Variants in STK39 observed in about 807,000 individuals in gnomAD.
The protein encoded by STK39 is serine/threonine kinase 39.
Under a neutral mutation model 77.8 loss-of-function variants are expected in STK39, and 20 were observed. The ratio of observed to expected loss-of-function variants is 0.26; its 90% CI spans 0.18 to 0.37. STK39 has a LOEUF of 0.37. Ranked by LOEUF, STK39 falls within the 10% of genes least tolerant of loss-of-function variation. The probability of loss-of-function intolerance (pLI) is 1.00; values close to 1 mark genes in which losing one functional copy is unlikely to be tolerated. For synonymous variants in STK39, 246 were observed against 234.1 expected (o/e 1.05, Z -0.47); for missense variants, 479 against 656.5 (o/e 0.73, Z 2.95).
intron 5 of STK39, 127 bp from the exon 6 acceptor site, chr2:168,140,885 G>A (rs867015141): frequency 2.1e-5 from 15 of 716,066 alleles, no homozygotes; most frequent in African/African-American, 1.5e-4. Flanking sequence ...ACATGTCTAC[G>A]GTGCTCTCTC....
chr2:168,072,565 G>A (rs555005833), intron 12 of STK39, among the ~76,000 whole-genome samples: 5 of 152,132 alleles, frequency 3.3e-5, no homozygotes, highest in Admixed American at 6.5e-5. Context: ...CCATAAGAAC[G>A]TGAGCTCCAC....
At chr2:167,992,468 AT>A (rs1279725245) in intron 16 of STK39, among the ~76,000 whole-genome samples, 1 of 152,198 alleles carries the variant, frequency 6.6e-6, no homozygotes, top group Non-Finnish European at 1.5e-5. Flanking sequence ...GGGATGAATT[AT>A]TGACTAATGT....
chr2:168,237,509 C>T (rs1399328980), intron 1 of STK39, among the ~76,000 whole-genome samples: 2 of 152,190 alleles, frequency 1.3e-5, no homozygotes, highest in South Asian at 2.1e-4. Flanking sequence ...GAGAGTGCAT[C>T]CCTGTCTTGT....
chr2:168,052,383 C>G (rs1025359271), intron 14 of STK39, among the ~76,000 whole-genome samples: 3 of 152,016 alleles, frequency 2.0e-5, no homozygotes, highest in Non-Finnish European at 2.9e-5. Flanking sequence ...TAGTAGGTAC[C>G]TTAAAAAGTC....
chr2:168,084,741 T>C (rs1386332940), intron 10 of STK39, among the ~76,000 whole-genome samples: 1 of 152,188 alleles, frequency 6.6e-6, no homozygotes, highest in Non-Finnish European at 1.5e-5. Context: ...AACTGTTAAA[T>C]ATAAACCTGT....
At chr2:168,059,538 G>C (rs531077281) in intron 14 of STK39, among the ~76,000 whole-genome samples, 2 of 152,198 alleles carry the variant, frequency 1.3e-5, no homozygotes, top group Admixed American at 6.5e-5. Flanking sequence ...TAGGAGCTCA[G>C]GGCCTCAGTC....
At position 168,140,768 on chromosome 2, in the gene STK39, A is replaced by G. The variant is rs202187170; in HGVS notation, c.629-10T>C. On this transcript the variant is annotated splice_polypyrimidine_tract_variant and intron_variant, in intron 5 of 17. Coordinates refer to ENST00000355999, the MANE Select transcript of STK39 (RefSeq NM_013233.3). ...GCACTTACCCCAAAATCTGAAAGGG[A>G]AAAAAAAATCACCTTTATTTTATGT... The G allele has an allele frequency of 4.0e-4, 608 of 1,536,248 alleles. 3 individuals carry two copies. Among genetic ancestry groups the G allele is most frequent in the Non-Finnish European group, 6.2e-6 (7 of 1,135,182 alleles).
chr2:168,128,701 C>T (rs7564419), intron 10 of STK39, among the ~76,000 whole-genome samples: 121,992 of 152,226 alleles, frequency 0.8, 48,853 homozygotes, highest in African/African-American at 0.81. Flanking sequence ...TAATATTCAG[C>T]TATGTATACC....
At chr2:168,057,473 G>A (rs377318369) in intron 14 of STK39, among the ~76,000 whole-genome samples, 12 of 152,310 alleles carry the variant, frequency 7.9e-5, no homozygotes, top group Admixed American at 1.3e-4. Context: ...AATTATAGGC[G>A]TGAGCCACCG....
chr2:168,123,147 G>A (rs1314451699), intron 10 of STK39, among the ~76,000 whole-genome samples: 2 of 152,110 alleles, frequency 1.3e-5, no homozygotes, highest in South Asian at 2.1e-4. Flanking sequence ...AGACCTAAAC[G>A]GAGGGACATT....
chr2:168,179,381 T>C (rs1689027768), intron 2 of STK39, among the ~76,000 whole-genome samples: 1 of 152,226 alleles, frequency 6.6e-6, no homozygotes, highest in African/African-American at 2.4e-5. Flanking sequence ...AGGCAGGCTA[T>C]ACTCTGTAAA....
chr2:167,983,577 T>C (rs950276380), intron 16 of STK39, among the ~76,000 whole-genome samples: 6 of 151,860 alleles, frequency 4.0e-5, no homozygotes. Context: ...AAAGGAGGGA[T>C]GGAGCCTCTC....
At chr2:168,132,024 C>T (rs946678222) in intron 8 of STK39, among the ~76,000 whole-genome samples, 2 of 152,228 alleles carry the variant, frequency 1.3e-5, no homozygotes, top group East Asian at 1.9e-4. Context: ...TGCTGCTCAA[C>T]GGCAAGAGGG....
chr2:168,228,599 T>C (rs1690366974), intron 1 of STK39, among the ~76,000 whole-genome samples: 1 of 152,074 alleles, frequency 6.6e-6, no homozygotes, highest in East Asian at 1.9e-4. Context: ...GAGACCAGCC[T>C]GACCAACATG....
At chr2:168,003,122 T>C (rs1210255798) in intron 16 of STK39, among the ~76,000 whole-genome samples, 1 of 152,212 alleles carries the variant, frequency 6.6e-6, no homozygotes, top group East Asian at 1.9e-4. Context: ...TAGCTGGGAT[T>C]ACAGGCACAC....
intron 14 of STK39, among the ~76,000 whole-genome samples, chr2:168,047,443 A>G (rs1324936981): frequency 1.3e-5 from 2 of 152,214 alleles, no homozygotes; most frequent in African/African-American, 4.8e-5. Flanking sequence ...AAAAAGAGAA[A>G]GGATCAAAGG....
rs537740456 is a variant in STK39 at position 168,135,662 on chromosome 2, C to T, written c.974+2426G>A. Reference sequence around the variant, plus strand: ...GTCATGAATTCATATGTTGAAATTGCATCCTATCTAAAAAGTAATTCAACA... The same window carrying T: ...GTCATGAATTCATATGTTGAAATTGTATCCTATCTAAAAAGTAATTCAACA... On this transcript the variant is annotated intron_variant, in intron 8 of 17. Coordinates refer to ENST00000355999, the MANE Select transcript of STK39 (RefSeq NM_013233.3). Among the ~76,000 whole-genome samples, 4 of 152,282 alleles carry T rather than the reference C, an allele frequency of 2.6e-5. 1 individual carries two copies. Among genetic ancestry groups the T allele is most frequent in the African/African-American group, 9.6e-5 (4 of 41,576 alleles).
chr2:168,236,014 C>T (rs1690596152), intron 1 of STK39, among the ~76,000 whole-genome samples: 2 of 151,852 alleles, frequency 1.3e-5, no homozygotes, highest in Non-Finnish European at 2.9e-5. Context: ...GTTCTAGATC[C>T]CTGAGGAATC....
At chr2:168,026,412 G>A (rs1010881576) in intron 14 of STK39, among the ~76,000 whole-genome samples, 8 of 152,172 alleles carry the variant, frequency 5.3e-5, no homozygotes, top group African/African-American at 1.7e-4. Context: ...CCATTTCTCT[G>A]ATTCTTTAGG....
Sources: gnomAD v4.1 joint callset for allele counts (sites outside exome capture counted in the v4.1 genomes callset) on GRCh38, gnomAD v4.1.1 for gene constraint, MANE v1.5 for transcripts, NCBI Gene and HGNC (gene_info 2026-07-23, HGNC 2026-07-21) for gene names.